RBFOX1: variants seen among roughly 807,000 people sequenced by gnomAD.
RBFOX1 encodes the protein RNA binding protein fox-1 homolog 1.
Under a neutral mutation model 57.7 loss-of-function variants are expected in RBFOX1, and 8 were observed. The observed-to-expected ratio is 0.14, with a 90% confidence interval of 0.08 to 0.25. The LOEUF (loss-of-function observed/expected upper bound fraction) is 0.25, where lower values mean the gene tolerates loss of function less well. RBFOX1 is among the 10% of genes least tolerant of loss of function. The pLI is 1.00. For synonymous variants in RBFOX1, 326 were observed against 222.4 expected, an observed-to-expected ratio of 1.47 and a Z score of -4.15; for missense variants, 611 against 548.5, an observed-to-expected ratio of 1.11 and a Z score of -1.14.
intron 1 of RBFOX1, among the ~76,000 whole-genome samples, chr16:6,157,888 C>A (rs561855541): frequency 1.3e-4 from 20 of 152,056 alleles, no homozygotes; most frequent in African/African-American, 4.3e-4. Context: ...TACCTTTTTT[C>A]CAAGAGTTGA....
chr16:6,237,513 A>G (rs530541176), intron 1 of RBFOX1, among the ~76,000 whole-genome samples: 2 of 152,216 alleles, frequency 1.3e-5, no homozygotes, highest in South Asian at 2.1e-4. Flanking sequence ...GGAGGCCAAC[A>G]CAGGTGGATT....
downstream of RBFOX1, among the ~76,000 whole-genome samples, chr16:5,601,927 A>G (rs905197516): frequency 6.6e-6 from 1 of 152,128 alleles, no homozygotes; most frequent in African/African-American, 2.4e-5. Flanking sequence ...CCCCAACCTC[A>G]CTCATGGAGG....
At chr16:7,133,291 G>C (rs748000194) in intron 4 of RBFOX1, among the ~76,000 whole-genome samples, 4 of 152,150 alleles carry the variant, frequency 2.6e-5, no homozygotes, top group Non-Finnish European at 5.9e-5. Context: ...AAGCCATGGA[G>C]AGTACACTTG....
At chr16:5,736,847 CT>C (rs1277335378) in intron 3 of RBFOX1, among the ~76,000 whole-genome samples, 6 of 150,912 alleles carry the variant, frequency 4.0e-5, no homozygotes, top group Non-Finnish European at 8.8e-5. Flanking sequence ...CTTTGTCCCT[CT>C]TTCCCCCCTT....
At chr16:5,986,496 T>C (rs2060289039) in intron 4 of RBFOX1, among the ~76,000 whole-genome samples, 1 of 152,224 alleles carries the variant, frequency 6.6e-6, no homozygotes, top group African/African-American at 2.4e-5. Flanking sequence ...TATCGAATCA[T>C]TCCATTACTG....
intron 5 of RBFOX1, among the ~76,000 whole-genome samples, chr16:7,530,585 A>G (rs1011537602): frequency 6.6e-6 from 1 of 151,996 alleles, no homozygotes; most frequent in African/African-American, 2.4e-5. Flanking sequence ...GTGTGAATTC[A>G]GCAATGTCAT....
intron 3 of RBFOX1, among the ~76,000 whole-genome samples, chr16:6,902,226 G>C (rs1449590994): frequency 6.6e-6 from 1 of 152,078 alleles, no homozygotes; most frequent in Non-Finnish European, 1.5e-5. Flanking sequence ...TCATTGTGTG[G>C]AATTACATGT....
At chr16:7,702,655 G>C (rs1273555423) in intron 14 of RBFOX1, among the ~76,000 whole-genome samples, 1 of 152,102 alleles carries the variant, frequency 6.6e-6, no homozygotes, top group East Asian at 1.9e-4. Context: ...TTCTTTTCCT[G>C]GCCAATATTG....
intron 2 of RBFOX1, among the ~76,000 whole-genome samples, chr16:6,609,454 C>T (rs2098005459): frequency 6.6e-6 from 1 of 152,068 alleles, no homozygotes; most frequent in African/African-American, 2.4e-5. Flanking sequence ...CTCAATCCTC[C>T]CACCTCAGCC....
At chr16:5,541,237 T>A (rs538154165) in intron 2 of RBFOX1, among the ~76,000 whole-genome samples, 1 of 152,190 alleles carries the variant, frequency 6.6e-6, no homozygotes, top group East Asian at 1.9e-4. Flanking sequence ...AGCCTCGAAT[T>A]TTACTATATG....
chr16:5,966,385 A>C (rs1289507594), intron 4 of RBFOX1, among the ~76,000 whole-genome samples: 1 of 152,228 alleles, frequency 6.6e-6, no homozygotes, highest in Non-Finnish European at 1.5e-5. Flanking sequence ...GCAGAAGGCA[A>C]CATGAGGGCT....
chr16:7,572,700 G>T (rs1032861028), intron 5 of RBFOX1, among the ~76,000 whole-genome samples: 2 of 152,106 alleles, frequency 1.3e-5, no homozygotes. Flanking sequence ...TTAGCTGGGC[G>T]TAGTGGCTGG....
chr16:6,546,580 T>C (rs558051571), intron 2 of RBFOX1, among the ~76,000 whole-genome samples: 1 of 152,310 alleles, frequency 6.6e-6, no homozygotes, highest in Non-Finnish European at 1.5e-5. Context: ...TCTTTTCACA[T>C]CATCTTCCTT....
intron 4 of RBFOX1, among the ~76,000 whole-genome samples, chr16:7,510,512 G>C (rs142263433): frequency 2.3e-5 from 3 of 130,224 alleles, no homozygotes; most frequent in African/African-American, 6.1e-5. Flanking sequence ...TGTGTGTGTG[G>C]GCGCGCGCGC....
rs143480621 is a variant in RBFOX1, at chr16:5,849,086, G to A, written c.319-18217G>A. 5.2e-3 allele frequency among the ~76,000 whole-genome samples: 796 copies of A among 152,280 alleles called. 7 individuals carry two copies. Among genetic ancestry groups the A allele is most frequent in the African/African-American group, 0.018 (761 of 41,548 alleles). ...AGAAAACCCAGGTAAGAACACTAGA[G>A]TCCTTGGTCTTCTAAGAAGTGGAGG... On this transcript the variant is annotated intron_variant, in intron 3 of 19. Transcript: ENST00000641259.
At chr16:5,366,920 A>T (rs1432881907) in intron 1 of RBFOX1, among the ~76,000 whole-genome samples, 2 of 152,240 alleles carry the variant, frequency 1.3e-5, no homozygotes, top group Admixed American at 6.5e-5. Context: ...ATGTTATGAC[A>T]GGACATAGTA....
At chr16:6,804,367 A>G (rs1477489508) in intron 3 of RBFOX1, among the ~76,000 whole-genome samples, 1 of 152,158 alleles carries the variant, frequency 6.6e-6, no homozygotes, top group Non-Finnish European at 1.5e-5. Context: ...CATGGAAGTT[A>G]AATTCTAATA....
intron 3 of RBFOX1, among the ~76,000 whole-genome samples, chr16:7,043,585 A>T (rs951848108): frequency 6.6e-6 from 1 of 152,210 alleles, no homozygotes; most frequent in Non-Finnish European, 1.5e-5. Flanking sequence ...CTACCAATTG[A>T]TTTGATATAT....
chr16:7,700,392 A>G (rs1408489466), intron 14 of RBFOX1, among the ~76,000 whole-genome samples: 1 of 152,202 alleles, frequency 6.6e-6, no homozygotes, highest in Non-Finnish European at 1.5e-5. Flanking sequence ...AAGAACTTTG[A>G]GATAGCTTAG....
Sources: gnomAD v4.1 joint callset for allele counts (sites outside exome capture counted in the v4.1 genomes callset) on GRCh38, gnomAD v4.1.1 for gene constraint, MANE v1.5 for transcripts, NCBI Gene and HGNC (gene_info 2026-07-23, HGNC 2026-07-21) for gene names.